Variants in STX1B observed in about 807,000 individuals in gnomAD.
The protein encoded by STX1B is syntaxin 1B, also known as syntaxin-1B.
A neutral mutation model predicts 39.4 loss-of-function variants in STX1B; 7 were observed. That is an observed-to-expected ratio of 0.18 (90% confidence interval 0.10 to 0.33). STX1B has a LOEUF of 0.33. Among genes scored for constraint, STX1B ranks in the 10% least tolerant of loss-of-function variants. The probability of loss-of-function intolerance (pLI) is 1.00; values close to 1 mark genes in which losing one functional copy is unlikely to be tolerated. For missense variants in STX1B, 198 were observed against 383.2 expected (o/e 0.52, Z 4.04); for synonymous variants, 136 against 144.1 (o/e 0.94, Z 0.40).
chr16:31,002,873 G>T (rs1390578691), intron 1 of STX1B, among the ~76,000 whole-genome samples: 1 of 152,168 alleles, frequency 6.6e-6, no homozygotes, highest in Non-Finnish European at 1.5e-5. Context: ...TCCACCTGGG[G>T]GTGTACTCAG....
chr16:31,007,028 T>C (rs2056658273), intron 1 of STX1B, among the ~76,000 whole-genome samples: 1 of 152,144 alleles, frequency 6.6e-6, no homozygotes, highest in South Asian at 2.1e-4. Context: ...GGAGGATCCC[T>C]GGAGACCAGG....
At chr16:30,997,688 T>A in intron 4 of STX1B, 113 bp from the exon 5 acceptor site, 1 of 1,023,102 alleles carries the variant, frequency 9.8e-7, no homozygotes, top group Non-Finnish European at 1.5e-6. Context: ...GGGAGAAACG[T>A]CATCCCCAGG....
At chr16:30,997,804 G>C (rs190346667) in intron 4 of STX1B, among the ~76,000 whole-genome samples, 1 of 152,224 alleles carries the variant, frequency 6.6e-6, no homozygotes, top group Non-Finnish European at 1.5e-5. Context: ...GGGATACTGA[G>C]GGTCAGAGGG....
intron 1 of STX1B, among the ~76,000 whole-genome samples, chr16:31,005,470 CTTTTTTT>C (rs35407745): frequency 5.1e-4 from 58 of 113,734 alleles, no homozygotes; most frequent in African/African-American, 1.9e-3. Flanking sequence ...TTTCTTTTTC[CTTTTTTT>C]TTTTTTTTTT....
chr16:31,001,623 A>G lies in STX1B; in HGVS notation c.31-20T>C, dbSNP rs1355424626. The G allele has an allele frequency of 2.5e-6, 4 of 1,608,342 alleles. No homozygotes were observed. The highest frequency in any genetic ancestry group is 3.4e-6 in the Non-Finnish European group (4 of 1,176,788). The stretch of plus-strand genomic sequence containing the variant: ...TTTCGCCTGGGGACAAGGAAGGCTG[A>G]GTCCATGAGCAGGCCCTACCTGGGT... On this transcript the variant is annotated intron_variant, in intron 1 of 9. Transcript: ENST00000215095. This position sits in a 1 kb window ranked among gnomAD's most constrained non-coding sequence, Gnocchi z 5.5.
chr16:30,994,892 C>CTTTTTTTT (rs10524041), intron 7 of STX1B, among the ~76,000 whole-genome samples: 7,371 of 98,512 alleles, frequency 0.075, 88 homozygotes, highest in East Asian at 0.19. Flanking sequence ...GTCTCCCCGT[C>CTTTTTTTT]TTTTTTTTTT....
intron 4 of STX1B, among the ~76,000 whole-genome samples, 179 bp from the exon 5 acceptor site, chr16:30,997,754 A>G (rs1450950138): frequency 6.6e-6 from 1 of 152,176 alleles, no homozygotes; most frequent in African/African-American, 2.4e-5. Context: ...AGATAAACAG[A>G]CGAACAGACG....
rs2056628186 is a variant in STX1B, at chr16:31,001,406, G to A, written c.105+123C>T. On this transcript the variant is annotated intron_variant, in intron 2 of 9. Transcript: ENST00000215095. The surrounding 1 kb of genome is among the most constrained non-coding windows in gnomAD (Gnocchi z 5.5). ...GGGCTGCGGCTGGGCGGTGGGACTA[G>A]GGGCTGGGGCTGGGTGCTGGGGCTG... 2.3e-6 allele frequency: 2 copies of A among 868,300 alleles called. No individual in the cohort carries two copies. Among genetic ancestry groups the A allele is most frequent in the Non-Finnish European group, 3.5e-6 (2 of 563,686 alleles). 53.8% of individuals were successfully genotyped at this position (868,300 alleles called of 1,614,324 possible).
chr16:31,006,207 G>A lies in STX1B; in HGVS notation c.30+4160C>T, dbSNP rs562042124. 4.2e-4 allele frequency among the ~76,000 whole-genome samples: 64 copies of A among 152,170 alleles called. No individual in the cohort carries two copies. The South Asian group carries it at 0.012, about 30-fold the overall frequency. On this transcript the variant is annotated intron_variant, in intron 1 of 9. Transcript: ENST00000215095. ...GGGGTGCAAGCATCATCGTTTGATC[G>A]GAGGCAGCAGCCTCCCCCTGCGCCC...
intron 4 of STX1B, among the ~76,000 whole-genome samples, chr16:30,999,624 C>G (rs142418866): frequency 1.3e-5 from 2 of 152,308 alleles, no homozygotes; most frequent in East Asian, 3.9e-4. Context: ...CTCGCCAGCC[C>G]CTGATGTCAG....
Position 30,990,639 on chromosome 16 carries a change from C to T in STX1B, c.*2182G>A, listed in dbSNP as rs1311468520. The stretch of plus-strand genomic sequence containing the variant: ...AGTGCCTTGCCTGTGCACACATAAG[C>T]CCCATGCCAGGGCATGGCACATTTG... On this transcript the variant is annotated 3_prime_UTR_variant, in exon 10 of 10. Coordinates refer to ENST00000215095, the MANE Select transcript of STX1B (RefSeq NM_052874.5). The T allele has an allele frequency of 6.6e-6, 1 of 152,296 alleles. No homozygotes were observed. Among genetic ancestry groups the T allele is most frequent in the Non-Finnish European group, 1.5e-5 (1 of 68,080 alleles). The allele number at this position is 152,296 out of a possible 1,614,324, so 9.4% of individuals were successfully genotyped here. A position where few individuals can be genotyped will look rare whatever the true frequency, so the allele number is the denominator to read the frequency against.
intron 7 of STX1B, among the ~76,000 whole-genome samples, chr16:30,994,882 G>A (rs961860184): frequency 1.7e-5 from 2 of 119,278 alleles, no homozygotes; most frequent in Non-Finnish European, 1.7e-5. Context: ...ACAGTGTTCA[G>A]TCTCCCCGTC....
In STX1B at chr16:30,996,850, C is replaced by A. The variant is rs969519292; in HGVS notation, c.464-94G>T. The A allele has an allele frequency of 2.5e-6, 4 of 1,573,094 alleles. No individual in the cohort carries two copies. The East Asian group carries it at 9.0e-5, about 35-fold the overall frequency. On this transcript the variant is annotated intron_variant, in intron 6 of 9. Transcript: ENST00000215095. Reference sequence around the variant, plus strand: ...CGGGGACCTGGGGCCCACCCTCCCACGCCGCCTTAAGCCAGGGGCCCCCTC... The same window carrying A: ...CGGGGACCTGGGGCCCACCCTCCCAAGCCGCCTTAAGCCAGGGGCCCCCTC...
chr16:30,997,209 T>TCTGGCCG, intron 5 of STX1B, 150 bp from the exon 6 acceptor site: 1 of 665,720 alleles, frequency 1.5e-6, no homozygotes. Context: ...CTTCTTCAGC[T>TCTGGCCG]CTGGCCGCGA....
chr16:31,001,656 G>T lies in STX1B; in HGVS notation c.31-53C>A. On this transcript the variant is annotated intron_variant, in intron 1 of 9. Coordinates refer to ENST00000215095, the MANE Select transcript of STX1B (RefSeq NM_052874.5). The surrounding 1 kb of genome is among the most constrained non-coding windows in gnomAD (Gnocchi z 5.5). ...AGCAGGCCCTACCTGGGTCCCCAAG[G>T]CTGGCTCTCCAGCTCTCCCACCCTC... The T allele has an allele frequency of 1.3e-6, 2 of 1,487,604 alleles. No homozygotes were observed. Among genetic ancestry groups the T allele is most frequent in the Non-Finnish European group, 1.9e-6 (2 of 1,077,012 alleles). The allele number at this position is 1,487,604 out of a possible 1,614,324, so 92.2% of individuals were successfully genotyped here. A position where few individuals can be genotyped will look rare whatever the true frequency, so the allele number is the denominator to read the frequency against.
In STX1B at chr16:30,996,680, C is replaced by T; in HGVS notation, c.537+3G>A. On this transcript the variant is annotated splice_donor_region_variant and intron_variant, in intron 7 of 9. Transcript: ENST00000215095. Reference sequence around the variant, plus strand: ...AGCAGAGCCCGCCCCACCCGCGGCTCACGTCATCTGTGAAGATGGCCAGCT... The same window carrying T: ...AGCAGAGCCCGCCCCACCCGCGGCTTACGTCATCTGTGAAGATGGCCAGCT... 1 of 1,613,380 alleles carries T rather than the reference C, an allele frequency of 6.2e-7. No homozygotes were observed. Among genetic ancestry groups the T allele is most frequent in the Non-Finnish European group, 8.5e-7 (1 of 1,179,440 alleles).
intron 7 of STX1B, among the ~76,000 whole-genome samples, chr16:30,994,597 A>G (rs2056581955): frequency 2.8e-5 from 4 of 141,128 alleles, no homozygotes. Flanking sequence ...TGAAAAAAAA[A>G]AAAAAAGAAA....
rs539985149 is a variant in STX1B, at chr16:30,997,517, G to A, written c.339C>T (p.Arg113=). 2 of 1,608,486 alleles carry A rather than the reference G, an allele frequency of 1.2e-6. No individual in the cohort carries two copies. Among genetic ancestry groups the A allele is most frequent in the East Asian group, 2.2e-5 (1 of 44,630 alleles). ...CGCCTCCTACCTGGGTCTTGCGGAT[G>A]CGCAGGTCCGCGGAGGAACGGTTCA... ...EGLNRSSADL[R]IRKTQHSTLS... Residue 113 remains arginine (R), a synonymous_variant, in exon 5 of 10, where the codon CGC becomes CGT. Coordinates refer to ENST00000215095, the MANE Select transcript of STX1B (RefSeq NM_052874.5).
At chr16:30,994,437 A>C (rs959923445) in intron 7 of STX1B, among the ~76,000 whole-genome samples, 1 of 151,192 alleles carries the variant, frequency 6.6e-6, no homozygotes, top group Non-Finnish European at 1.5e-5. Context: ...AAAAAAAAAA[A>C]AAGGAAATTA....
Sources: gnomAD v4.1 joint callset for allele counts (sites outside exome capture counted in the v4.1 genomes callset) on GRCh38, gnomAD v4.1.1 for gene constraint, Gnocchi (gnomAD v3.1) non-coding constraint, MANE v1.5 for transcripts, NCBI Gene and HGNC (gene_info 2026-07-23, HGNC 2026-07-21) for gene names.